Variants in KIRREL1 observed in about 807,000 individuals in gnomAD.
KIRREL1 encodes kin of IRRE-like protein 1.
Under a neutral mutation model 83.3 loss-of-function variants are expected in KIRREL1, and 25 were observed. The ratio of observed to expected loss-of-function variants is 0.30; its 90% CI spans 0.22 to 0.42. The LOEUF (loss-of-function observed/expected upper bound fraction) is 0.42. Ranked by LOEUF, KIRREL1 falls within the 10% of genes least tolerant of loss-of-function variation. The probability of loss-of-function intolerance (pLI) is 1.00; values close to 1 mark genes in which losing one functional copy is unlikely to be tolerated. For synonymous variants in KIRREL1, 388 were observed against 410.4 expected, an observed-to-expected ratio of 0.95 and a Z score of 0.66; for missense variants, 812 against 1,032.3, an observed-to-expected ratio of 0.79 and a Z score of 2.92.
At chr1:158,061,853 G>A (rs1046808405) in intron 1 of KIRREL1, among the ~76,000 whole-genome samples, 16 of 152,262 alleles carry the variant, frequency 1.1e-4, no homozygotes, top group East Asian at 1.9e-4. Context: ...CTGGAGGACG[G>A]GGATTTGAAG....
rs553717939 is a variant in KIRREL1, at chr1:158,018,799, G to A, written c.52+25071G>A. On this transcript the variant is annotated intron_variant, in intron 1 of 14. Transcript: ENST00000359209. ...AGTTTGAGAACCATTTGTGGCAAGCGTTTAAATCCCAGGCTGCTTTTTGCC... is the reference window on the plus strand; with the variant it reads ...AGTTTGAGAACCATTTGTGGCAAGCATTTAAATCCCAGGCTGCTTTTTGCC... Among the ~76,000 whole-genome samples the A allele has an allele frequency of 3.3e-5, 5 of 152,264 alleles. No individual in the cohort carries two copies. In the South Asian group the frequency reaches 1.0e-3, roughly 32 times the overall value.
chr1:158,024,075 G>A (rs1208949162), intron 1 of KIRREL1, among the ~76,000 whole-genome samples: 1 of 151,996 alleles, frequency 6.6e-6, no homozygotes, highest in Non-Finnish European at 1.5e-5. Context: ...AGCCTCTCAA[G>A]TAGCTGGGAT....
At chr1:158,092,732 A>C (rs529901179) in intron 11 of KIRREL1, among the ~76,000 whole-genome samples, 1 of 152,298 alleles carries the variant, frequency 6.6e-6, no homozygotes, top group East Asian at 1.9e-4. Flanking sequence ...GGGGCTCCAC[A>C]GGGAAAGATC....
chr1:158,070,873 C>A (rs1223505180), intron 1 of KIRREL1, among the ~76,000 whole-genome samples: 2 of 152,122 alleles, frequency 1.3e-5, no homozygotes, highest in Non-Finnish European at 2.9e-5. Flanking sequence ...TCCCCAGGGT[C>A]CCTCTGTGCT....
intron 1 of KIRREL1, among the ~76,000 whole-genome samples, chr1:158,020,863 C>T (rs1659985076): frequency 6.6e-6 from 1 of 152,172 alleles, no homozygotes; most frequent in Non-Finnish European, 1.5e-5. Context: ...TTTGTATTAT[C>T]CACTCCACTG....
chr1:158,076,515 C>G (rs1661687364), intron 2 of KIRREL1, among the ~76,000 whole-genome samples: 1 of 152,182 alleles, frequency 6.6e-6, no homozygotes, highest in Non-Finnish European at 1.5e-5. Context: ...ACCAAGAGAC[C>G]TTTATATAAG....
At chr1:158,028,318 G>T (rs1286084499) in intron 1 of KIRREL1, among the ~76,000 whole-genome samples, 1 of 152,228 alleles carries the variant, frequency 6.6e-6, no homozygotes, top group Non-Finnish European at 1.5e-5. Context: ...GTCTGCCCTT[G>T]AATAAACCCT....
At chr1:158,091,296 C>G (rs1050817002) in intron 10 of KIRREL1, 62 bp from the exon 11 acceptor site, 15 of 1,493,184 alleles carry the variant, frequency 1.0e-5, no homozygotes, top group African/African-American at 2.8e-5. Flanking sequence ...TCAGGGGACA[C>G]GTGGGCATGG....
chr1:158,034,287 G>A (rs59783832), intron 1 of KIRREL1, among the ~76,000 whole-genome samples: 2,349 of 104,814 alleles, frequency 0.022, 27 homozygotes, highest in African/African-American at 0.052. Flanking sequence ...AAAAAAAAAA[G>A]AAAAAAAGAA....
At chr1:158,054,118 C>G (rs368593911) in intron 1 of KIRREL1, among the ~76,000 whole-genome samples, 3 of 144,284 alleles carry the variant, frequency 2.1e-5, no homozygotes, top group Non-Finnish European at 4.5e-5. Context: ...GAGGCTGAGG[C>G]AGGAGAATTG....
At chr1:158,072,420 C>T (rs1368603764) in intron 1 of KIRREL1, among the ~76,000 whole-genome samples, 4 of 152,212 alleles carry the variant, frequency 2.6e-5, no homozygotes, top group Non-Finnish European at 2.9e-5. Context: ...ATAAGTGGCA[C>T]AGTCCAGACT....
chr1:157,995,291 C>T (rs1244502235), intron 1 of KIRREL1, among the ~76,000 whole-genome samples: 6 of 152,200 alleles, frequency 3.9e-5, no homozygotes, highest in African/African-American at 1.2e-4. Context: ...CCCCAGCACA[C>T]ACTATGATAT....
intron 1 of KIRREL1, among the ~76,000 whole-genome samples, chr1:158,071,462 G>C (rs1661514114): frequency 6.6e-6 from 1 of 152,206 alleles, no homozygotes; most frequent in Non-Finnish European, 1.5e-5. Context: ...AGCTGTGATG[G>C]TGTCTGAAGG....
chr1:158,096,813 C>T lies in KIRREL1; in HGVS notation c.*1693C>T. On this transcript the variant is annotated 3_prime_UTR_variant, in exon 15 of 15. Transcript: ENST00000359209. ...TGGCTGTTTCCCGCCTCCCCAGCTGCATGTCCAGCCCAGTGGGAGACAGGG... is the reference window on the plus strand; with the variant it reads ...TGGCTGTTTCCCGCCTCCCCAGCTGTATGTCCAGCCCAGTGGGAGACAGGG... The T allele has an allele frequency of 6.6e-6, 3 of 456,772 alleles. No homozygotes were observed. Among genetic ancestry groups the T allele is most frequent in the South Asian group, 3.1e-5 (2 of 64,568 alleles). The allele number at this position is 456,772 out of a possible 1,614,324, so 28.3% of individuals were successfully genotyped here.
At chr1:158,020,069 G>A (rs1659956850) in intron 1 of KIRREL1, among the ~76,000 whole-genome samples, 1 of 152,104 alleles carries the variant, frequency 6.6e-6, no homozygotes, top group Admixed American at 6.5e-5. Context: ...AATAAATGAT[G>A]GCTGTGCAGG....
At chr1:158,078,873 G>T (rs111592373) in intron 3 of KIRREL1, among the ~76,000 whole-genome samples, 3 of 152,280 alleles carry the variant, frequency 2.0e-5, no homozygotes, top group African/African-American at 7.2e-5. Context: ...GGTAACCCCC[G>T]AGGCCATTTG....
rs1490218283 is a variant in KIRREL1 at position 158,100,050 on chromosome 1, TAAGAG to T, written c.*4938_*4942del. 2.0e-5 allele frequency: 3 copies of T among 152,018 alleles called. No homozygotes were observed. Among genetic ancestry groups the T allele is most frequent in the Non-Finnish European group, 2.9e-5 (2 of 68,006 alleles). The allele number at this position is 152,018 out of a possible 1,614,324, so 9.4% of individuals were successfully genotyped here. A position where few individuals can be genotyped will look rare whatever the true frequency, so the allele number is the denominator to read the frequency against. On this transcript the variant is annotated 3_prime_UTR_variant, in exon 15 of 15. Coordinates refer to ENST00000359209, the MANE Select transcript of KIRREL1 (RefSeq NM_018240.7). ...AAATAAATGGATCCATGATGATAAT[TAAGAG>T]AAGAGAAAAAAAGATATTATTTTTG...
Position 158,100,134 on chromosome 1 carries a change from C to T in KIRREL1, c.*5014C>T, listed in dbSNP as rs971804164. ...AATGTGTATCTGTGTGTCCCTCACACCTTTTCCTATTCTACTTTTTTTTCC... is the reference window on the plus strand; with the variant it reads ...AATGTGTATCTGTGTGTCCCTCACATCTTTTCCTATTCTACTTTTTTTTCC... On this transcript the variant is annotated 3_prime_UTR_variant, in exon 15 of 15. Transcript: ENST00000359209. 2 of 151,600 alleles carry T rather than the reference C, an allele frequency of 1.3e-5. No homozygotes were observed. The highest frequency in any genetic ancestry group is 1.5e-5 in the Non-Finnish European group (1 of 67,954). The allele number at this position is 151,600 out of a possible 1,614,324, so 9.4% of individuals were successfully genotyped here.
At chr1:158,083,227 C>T (rs897066334) in intron 3 of KIRREL1, among the ~76,000 whole-genome samples, 1 of 152,220 alleles carries the variant, frequency 6.6e-6, no homozygotes, top group Admixed American at 6.5e-5. Context: ...GCACTGGTGA[C>T]CATATAAATA....
Sources: allele counts gnomAD v4.1 joint callset (sites outside exome capture counted in the v4.1 genomes callset), GRCh38; gene constraint gnomAD v4.1.1; transcripts MANE v1.5; gene names NCBI Gene and HGNC (gene_info 2026-07-23, HGNC 2026-07-21).